The following SLC1A1 variants were observed in gnomAD, a reference collection of about 807,000 sequenced individuals.
SLC1A1 encodes excitatory amino acid transporter 3.
A neutral mutation model predicts 53.3 loss-of-function variants in SLC1A1; 43 were observed. The observed-to-expected ratio is 0.81, with a 90% confidence interval of 0.63 to 1.04. The LOEUF is 1.04. Ranked by LOEUF, SLC1A1 falls within the 50% of genes least tolerant of loss-of-function variation. The pLI, the probability that SLC1A1 is intolerant of heterozygous loss-of-function variation, is 0.00. For missense variants in SLC1A1, 748 were observed against 664.9 expected, an observed-to-expected ratio of 1.12 and a Z score of -1.37; for synonymous variants, 307 against 243.2, an observed-to-expected ratio of 1.26 and a Z score of -2.44.
At chr9:4,498,987 AT>A (rs974181035) in intron 1 of SLC1A1, among the ~76,000 whole-genome samples, 2 of 135,870 alleles carry the variant, frequency 1.5e-5, no homozygotes, top group African/African-American at 3.2e-5. Flanking sequence ...AATCTTATAT[AT>A]TATATATAAG....
At chr9:4,494,158 C>T (rs1041631535) in intron 1 of SLC1A1, among the ~76,000 whole-genome samples, 2 of 152,136 alleles carry the variant, frequency 1.3e-5, no homozygotes, top group African/African-American at 4.8e-5. Context: ...TCTCTGCTTC[C>T]ATAGAATGGT....
At chr9:4,537,159 A>T (rs1816705003) in intron 1 of SLC1A1, among the ~76,000 whole-genome samples, 1 of 152,124 alleles carries the variant, frequency 6.6e-6, no homozygotes, top group Non-Finnish European at 1.5e-5. Context: ...TAACCTGCAC[A>T]TTGTGCACAT....
At chr9:4,527,303 T>C (rs969581022) in intron 1 of SLC1A1, among the ~76,000 whole-genome samples, 3 of 152,222 alleles carry the variant, frequency 2.0e-5, no homozygotes, top group Non-Finnish European at 4.4e-5. Flanking sequence ...TCAGTGTAGC[T>C]GTGCTCAGAC....
At chr9:4,511,124 C>G (rs1721496393) in intron 1 of SLC1A1, among the ~76,000 whole-genome samples, 1 of 152,192 alleles carries the variant, frequency 6.6e-6, no homozygotes, top group African/African-American at 2.4e-5. Flanking sequence ...GGAATTGAGA[C>G]AGAAATCACT....
intron 1 of SLC1A1, among the ~76,000 whole-genome samples, chr9:4,501,135 G>T (rs975405704): frequency 9.4e-5 from 14 of 148,204 alleles, no homozygotes; most frequent in Admixed American, 9.3e-4. Context: ...GCAGATCTCC[G>T]CATGTCTAGG....
At position 4,537,597 on chromosome 9, in the gene SLC1A1, A is replaced by T. The variant is rs1816725243; in HGVS notation, c.92-6970A>T. On this transcript the variant is annotated intron_variant, in intron 1 of 11. Coordinates refer to ENST00000262352, the MANE Select transcript of SLC1A1 (RefSeq NM_004170.6). ...ATAAAATAAAATAAAATAAAATAAAATAAAAAAAAAAAAAATCACATGCTA... is the reference window on the plus strand; with the variant it reads ...ATAAAATAAAATAAAATAAAATAAATTAAAAAAAAAAAAAATCACATGCTA... Among the ~76,000 whole-genome samples, 2 of 35,846 alleles carry T rather than the reference A, an allele frequency of 5.6e-5. 1 individual carries two copies. The highest frequency in any genetic ancestry group is 9.1e-4 in the South Asian group (2 of 2,194). 23.5% of individuals were successfully genotyped at this position (35,846 alleles called of 152,430 possible).
At chr9:4,541,657 C>T (rs1817020052) in intron 1 of SLC1A1, among the ~76,000 whole-genome samples, 1 of 152,196 alleles carries the variant, frequency 6.6e-6, no homozygotes, top group South Asian at 2.1e-4. Context: ...ACAAAGGTTA[C>T]AGCTGCCTAT....
chr9:4,583,532 C>G lies in SLC1A1; in HGVS notation c.1328+360C>G, dbSNP rs1167074283. Among the ~76,000 whole-genome samples, 2 of 152,188 alleles carry G rather than the reference C, an allele frequency of 1.3e-5. No homozygotes were observed. Among genetic ancestry groups the G allele is most frequent in the Non-Finnish European group, 2.9e-5 (2 of 68,038 alleles). On this transcript the variant is annotated intron_variant, in intron 11 of 11. Coordinates refer to ENST00000262352, the MANE Select transcript of SLC1A1 (RefSeq NM_004170.6). The surrounding 1 kb of genome is among the most constrained non-coding windows in gnomAD (Gnocchi z 4.6). The stretch of plus-strand genomic sequence containing the variant: ...TTCAGCATCATAGGCTCAGAACCAC[C>G]TAGTTCAAAATCAGTCCGTCTTCCT...
At chr9:4,560,348 C>G (rs9886720) in intron 2 of SLC1A1, among the ~76,000 whole-genome samples, 1 of 151,962 alleles carries the variant, frequency 6.6e-6, no homozygotes, top group Non-Finnish European at 1.5e-5. Context: ...TGACAGATTA[C>G]TGAGCCATTA....
At chr9:4,527,963 AC>A (rs1411256801) in intron 1 of SLC1A1, among the ~76,000 whole-genome samples, 2 of 152,044 alleles carry the variant, frequency 1.3e-5, no homozygotes, top group Non-Finnish European at 2.9e-5. Context: ...ACGAAAGAAT[AC>A]CCACCTCTTG....
chr9:4,561,434 C>T lies in SLC1A1; in HGVS notation c.233-15C>T. 1.4e-6 allele frequency: 2 copies of T among 1,480,450 alleles called. No homozygotes were observed. The highest frequency in any genetic ancestry group is 2.3e-5 in the East Asian group (1 of 44,268). The allele number at this position is 1,480,450 out of a possible 1,614,324, so 91.7% of individuals were successfully genotyped here. On this transcript the variant is annotated splice_polypyrimidine_tract_variant and intron_variant, in intron 2 of 11. Transcript: ENST00000262352. ...TTTTAAAATTAATGTAATTTGATTT[C>T]TGTCTCCCCTTCAGGTGTTGCTGCA...
chr9:4,545,272 G>A (rs1817392306), intron 2 of SLC1A1, among the ~76,000 whole-genome samples: 1 of 145,736 alleles, frequency 6.9e-6, no homozygotes, highest in African/African-American at 2.6e-5. Context: ...ACATTTTACT[G>A]TTCTCAACAT....
intron 1 of SLC1A1, among the ~76,000 whole-genome samples, chr9:4,536,837 T>C (rs867350604): frequency 1.3e-4 from 20 of 152,120 alleles, no homozygotes; most frequent in Admixed American, 2.6e-4. Context: ...ATGTGGCACA[T>C]ATACACCATG....
At chr9:4,582,948 T>G in intron 10 of SLC1A1, 90 bp from the exon 11 acceptor site, 1 of 1,524,242 alleles carries the variant, frequency 6.6e-7, no homozygotes, top group East Asian at 2.2e-5. Context: ...GTAATAGCCA[T>G]CGGGACTAAG....
chr9:4,585,175 C>T, intron 11 of SLC1A1, 137 bp from the exon 12 acceptor site: 1 of 1,142,260 alleles, frequency 8.8e-7, no homozygotes. Context: ...GAGGAGCCTT[C>T]AGTCAGTCAG....
intron 1 of SLC1A1, among the ~76,000 whole-genome samples, chr9:4,543,510 A>T (rs1442208193): frequency 6.6e-6 from 1 of 152,234 alleles, no homozygotes; most frequent in Non-Finnish European, 1.5e-5. Context: ...TGTGTTATCC[A>T]TACAACTGAA....
chr9:4,518,004 G>A (rs1224330633), intron 1 of SLC1A1, among the ~76,000 whole-genome samples: 2 of 151,984 alleles, frequency 1.3e-5, no homozygotes, highest in African/African-American at 2.4e-5. Flanking sequence ...GAGACAGGTG[G>A]ATCACTTGAG....
chr9:4,564,341 C>T lies in SLC1A1; in HGVS notation c.326-3C>T. The T allele has an allele frequency of 6.2e-7, 1 of 1,608,752 alleles. No individual in the cohort carries two copies. Among genetic ancestry groups the T allele is most frequent in the Non-Finnish European group, 8.5e-7 (1 of 1,175,928 alleles). On this transcript the variant is annotated splice_region_variant and splice_polypyrimidine_tract_variant and intron_variant, in intron 3 of 11. Coordinates refer to ENST00000262352, the MANE Select transcript of SLC1A1 (RefSeq NM_004170.6). ...GCTCTGTGGACGCTGTTCTTGGCCACAGGTATTGTGCTGGTGGTGAGCATC... is the reference window on the plus strand; with the variant it reads ...GCTCTGTGGACGCTGTTCTTGGCCATAGGTATTGTGCTGGTGGTGAGCATC...
intron 10 of SLC1A1, among the ~76,000 whole-genome samples, chr9:4,581,719 C>A (rs532109403): frequency 1.3e-5 from 2 of 152,294 alleles, no homozygotes; most frequent in South Asian, 4.1e-4. Flanking sequence ...AGGCCAGAAA[C>A]CTTTGAGACT....
Sources: gnomAD v4.1 joint callset for allele counts (sites outside exome capture counted in the v4.1 genomes callset) on GRCh38, gnomAD v4.1.1 for gene constraint, Gnocchi (gnomAD v3.1) non-coding constraint, MANE v1.5 for transcripts, NCBI Gene and HGNC (gene_info 2026-07-23, HGNC 2026-07-21) for gene names.